The following NEO1 variants were observed in gnomAD, a reference collection of about 807,000 sequenced individuals.
NEO1 encodes neogenin 1.
In NEO1, 63 loss-of-function variants were observed where a neutral mutation model predicts 159.7. The observed-to-expected ratio is 0.39, with a 90% CI of 0.32 to 0.49. NEO1 has a LOEUF of 0.49. NEO1 is among the 20% of genes least tolerant of loss of function. The pLI is 0.85. For missense variants in NEO1, 1,615 were observed against 1,831.0 expected (o/e 0.88, Z 2.15); for synonymous variants, 633 against 662.0 (o/e 0.96, Z 0.67).
intron 7 of NEO1, among the ~76,000 whole-genome samples, chr15:73,201,635 T>G (rs1203262543): frequency 6.6e-6 from 1 of 152,170 alleles, no homozygotes; most frequent in Non-Finnish European, 1.5e-5. Context: ...TCCTTCTTGA[T>G]TTATCAATTA....
At chr15:73,120,283 G>C (rs1272779395) in intron 2 of NEO1, among the ~76,000 whole-genome samples, 1 of 151,182 alleles carries the variant, frequency 6.6e-6, no homozygotes, top group African/African-American at 2.4e-5. Flanking sequence ...CTGATATTCT[G>C]GTTTCTTAAA....
chr15:73,144,184 A>G (rs2032681144), intron 5 of NEO1, among the ~76,000 whole-genome samples: 1 of 152,256 alleles, frequency 6.6e-6, no homozygotes, highest in African/African-American at 2.4e-5. Flanking sequence ...CTGGAGGAAG[A>G]TGAACCATTA....
At chr15:73,289,595 T>A (rs1348426839) in intron 25 of NEO1, among the ~76,000 whole-genome samples, 1 of 152,156 alleles carries the variant, frequency 6.6e-6, no homozygotes, top group Non-Finnish European at 1.5e-5. Flanking sequence ...AAGTTTTCAT[T>A]ACGCTGCCTG....
At chr15:73,193,673 T>A (rs1436125065) in intron 7 of NEO1, among the ~76,000 whole-genome samples, 2 of 150,250 alleles carry the variant, frequency 1.3e-5, no homozygotes, top group Non-Finnish European at 3.0e-5. Flanking sequence ...AGTATCTGGT[T>A]GTGGACAACA....
intron 5 of NEO1, among the ~76,000 whole-genome samples, chr15:73,136,300 G>C (rs2031753623): frequency 6.6e-6 from 1 of 152,096 alleles, no homozygotes; most frequent in African/African-American, 2.4e-5. Flanking sequence ...AGGGTTAAAA[G>C]AGCTAATACT....
intron 5 of NEO1, among the ~76,000 whole-genome samples, chr15:73,166,546 A>C (rs542679760): frequency 6.6e-6 from 1 of 152,270 alleles, no homozygotes; most frequent in East Asian, 1.9e-4. Context: ...AAATTTCAGG[A>C]AGGTAGAAGT....
At chr15:73,211,423 A>T (rs1210988005) in intron 7 of NEO1, among the ~76,000 whole-genome samples, 2 of 152,090 alleles carry the variant, frequency 1.3e-5, no homozygotes, top group East Asian at 3.9e-4. Flanking sequence ...TTAGGTGTAG[A>T]AAAGTAGGTG....
At chr15:73,130,894 A>G (rs573810137) in intron 4 of NEO1, among the ~76,000 whole-genome samples, 5 of 152,316 alleles carry the variant, frequency 3.3e-5, no homozygotes, top group East Asian at 1.9e-4. Context: ...TAATGAGACA[A>G]TCCTACCCCT....
chr15:73,243,856 T>C (rs2039610069), intron 8 of NEO1, among the ~76,000 whole-genome samples: 1 of 152,220 alleles, frequency 6.6e-6, no homozygotes, highest in Non-Finnish European at 1.5e-5. Flanking sequence ...TTAAATGTTT[T>C]ATGTTTTTAT....
chr15:73,225,066 T>C (rs2038500398), intron 7 of NEO1, among the ~76,000 whole-genome samples: 1 of 152,150 alleles, frequency 6.6e-6, no homozygotes, highest in South Asian at 2.1e-4. Context: ...CAGTGATTGT[T>C]ACCTCTTTTC....
intron 15 of NEO1, among the ~76,000 whole-genome samples, chr15:73,261,811 A>G (rs1218537320): frequency 6.6e-6 from 1 of 152,196 alleles, no homozygotes; most frequent in Non-Finnish European, 1.5e-5. Flanking sequence ...TTTATGAAAA[A>G]TCAAAGGAAC....
rs10623334 is a variant in NEO1 at position 73,257,132 on chromosome 15, C to CAAAAAAAAAAAA, written c.2093-1624_2093-1613dup. Among the ~76,000 whole-genome samples, 186 of 54,748 alleles carry CAAAAAAAAAAAA rather than the reference C, an allele frequency of 3.4e-3. 22 individuals carry two copies. Among genetic ancestry groups the CAAAAAAAAAAAA allele is most frequent in the African/African-American group, 0.01 (176 of 17,158 alleles). The allele number at this position is 54,748 out of a possible 152,430, so 35.9% of individuals were successfully genotyped here. A position where few individuals can be genotyped will look rare whatever the true frequency, so the allele number is the denominator to read the frequency against. ...GGGCAACAGAGAGAGACTCTGTCTC[C>CAAAAAAAAAAAA]AAAAAAAAAAAAAAAAAAAAAGTTT... is the stretch of plus-strand genomic sequence containing the variant. On this transcript the variant is annotated intron_variant, in intron 13 of 28. Transcript: ENST00000261908.
chr15:73,217,588 T>C (rs964395081), intron 7 of NEO1, among the ~76,000 whole-genome samples: 45 of 152,376 alleles, frequency 3.0e-4, no homozygotes, highest in African/African-American at 1.1e-3. Flanking sequence ...CATTTGTTTG[T>C]ATCCTCTTCT....
At position 73,279,351 on chromosome 15, in the gene NEO1, G is replaced by GTTTTTTTTTTTTTTTTTTTT. The variant is rs869029902; in HGVS notation, c.3262+1167_3262+1168insTTTTTTTTTTTTTTTTTTTT. 1.0e-3 allele frequency among the ~76,000 whole-genome samples: 125 copies of GTTTTTTTTTTTTTTTTTTTT among 119,322 alleles called. 15 individuals carry two copies. Among genetic ancestry groups the GTTTTTTTTTTTTTTTTTTTT allele is most frequent in the Non-Finnish European group, 1.3e-3 (74 of 57,290 alleles). The allele number at this position is 119,322 out of a possible 152,430, so 78.3% of individuals were successfully genotyped here. ...ATGTTTTTTTGTTGTTTTGGTTTTGGTTTTTTTTTTTTTTTGAGATGGAAT... is the reference window on the plus strand; with the variant it reads ...ATGTTTTTTTGTTGTTTTGGTTTTGGTTTTTTTTTTTTTTTTTTTTTTTTTTTTTTTTTTTGAGATGGAAT... On this transcript the variant is annotated intron_variant, in intron 22 of 28. Coordinates refer to ENST00000261908, the MANE Select transcript of NEO1 (RefSeq NM_002499.4).
At chr15:73,194,122 C>T (rs796444186) in intron 7 of NEO1, among the ~76,000 whole-genome samples, 12 of 152,182 alleles carry the variant, frequency 7.9e-5, no homozygotes, top group African/African-American at 2.9e-4. Context: ...TGGAGGACTC[C>T]AGCAGTTTTC....
intron 5 of NEO1, among the ~76,000 whole-genome samples, chr15:73,154,922 C>T (rs1320444256): frequency 6.6e-6 from 1 of 151,350 alleles, no homozygotes; most frequent in Non-Finnish European, 1.5e-5. Flanking sequence ...TTTGTTGTTT[C>T]TTCTTCTGTC....
chr15:73,134,855 A>G (rs546193857), intron 4 of NEO1, among the ~76,000 whole-genome samples: 1 of 152,320 alleles, frequency 6.6e-6, no homozygotes, highest in South Asian at 2.1e-4. Context: ...TTATAATCAG[A>G]ACGTTTTTTA....
At chr15:73,265,442 A>G (rs1352149277) in intron 15 of NEO1, among the ~76,000 whole-genome samples, 3 of 152,220 alleles carry the variant, frequency 2.0e-5, no homozygotes, top group Admixed American at 6.5e-5. Flanking sequence ...AGAGATCTGT[A>G]TTTGTAATTG....
At chr15:73,260,236 A>G (rs747671155) in intron 14 of NEO1, 35 bp from the exon 15 acceptor site, 4 of 1,583,226 alleles carry the variant, frequency 2.5e-6, no homozygotes, top group East Asian at 2.3e-5. Context: ...AAAGGACAGT[A>G]TATCTCATCT....
Sources: allele counts gnomAD v4.1 joint callset (sites outside exome capture counted in the v4.1 genomes callset), GRCh38; gene constraint gnomAD v4.1.1; transcripts MANE v1.5; gene names NCBI Gene and HGNC (gene_info 2026-07-23, HGNC 2026-07-21).